The following TPD52 variants were observed in gnomAD, a reference collection of about 807,000 sequenced individuals.
The protein encoded by TPD52 is tumor protein D52.
Under a neutral mutation model 31.3 loss-of-function variants are expected in TPD52, and 17 were observed. That is an observed-to-expected ratio of 0.54 (90% CI 0.37 to 0.82). The LOEUF (loss-of-function observed/expected upper bound fraction) is 0.82, where lower values mean the gene tolerates loss of function less well. Ranked by LOEUF, TPD52 falls within the 40% of genes least tolerant of loss-of-function variation. TPD52 has a pLI of 0.00. For synonymous variants in TPD52, 83 were observed against 89.6 expected, an observed-to-expected ratio of 0.93 and a Z score of 0.42; for missense variants, 212 against 240.1, an observed-to-expected ratio of 0.88 and a Z score of 0.77.
chr8:80,063,508 T>C (rs1812772467), intron 2 of TPD52, among the ~76,000 whole-genome samples: 1 of 152,196 alleles, frequency 6.6e-6, no homozygotes, highest in African/African-American at 2.4e-5. Context: ...ATGTTACATG[T>C]TACTGAATTA....
At chr8:80,084,925 T>C (rs1815621806) in intron 1 of TPD52, among the ~76,000 whole-genome samples, 1 of 152,064 alleles carries the variant, frequency 6.6e-6, no homozygotes, top group Admixed American at 6.5e-5. Context: ...GCAATACAAA[T>C]GCCTACTAAA....
chr8:80,039,906 G>C (rs976042448), intron 7 of TPD52, among the ~76,000 whole-genome samples: 3 of 151,936 alleles, frequency 2.0e-5, no homozygotes, highest in Admixed American at 6.6e-5. Flanking sequence ...TTTCACATCA[G>C]AACCCTTACC....
chr8:80,116,284 A>G (rs1807858988), intron 1 of TPD52, among the ~76,000 whole-genome samples: 1 of 152,242 alleles, frequency 6.6e-6, no homozygotes, highest in Non-Finnish European at 1.5e-5. Flanking sequence ...ATAAAGCATT[A>G]AAAAGCAAGG....
At chr8:80,127,312 T>A (rs1808687454) in intron 1 of TPD52, among the ~76,000 whole-genome samples, 2 of 152,242 alleles carry the variant, frequency 1.3e-5, no homozygotes, top group Admixed American at 1.3e-4. Flanking sequence ...TGATGGATTA[T>A]CATCCTCCTG....
chr8:80,152,194 A>G (rs1439099723), intron 1 of TPD52, among the ~76,000 whole-genome samples: 1 of 152,120 alleles, frequency 6.6e-6, no homozygotes, highest in Non-Finnish European at 1.5e-5. Flanking sequence ...CCCCAGGAGC[A>G]GGAGGTGAAT....
intron 1 of TPD52, among the ~76,000 whole-genome samples, chr8:80,075,040 C>T (rs555048726): frequency 3.3e-5 from 5 of 151,988 alleles, no homozygotes; most frequent in South Asian, 2.1e-4. Flanking sequence ...AGTGCAGTGG[C>T]GCGATCTTGG....
chr8:80,121,196 C>G (rs571417653), intron 1 of TPD52, among the ~76,000 whole-genome samples: 6 of 151,908 alleles, frequency 3.9e-5, no homozygotes, highest in African/African-American at 1.5e-4. Flanking sequence ...ATTATCAAGA[C>G]GTCAAAAGTC....
intron 1 of TPD52, among the ~76,000 whole-genome samples, chr8:80,154,482 C>G (rs1810791928): frequency 6.6e-6 from 1 of 152,174 alleles, no homozygotes; most frequent in South Asian, 2.1e-4. Flanking sequence ...ACTTCCCTCT[C>G]CCCTTAAGTG....
intron 1 of TPD52, among the ~76,000 whole-genome samples, chr8:80,128,263 A>AT (rs1216335389): frequency 6.6e-6 from 1 of 152,080 alleles, no homozygotes; most frequent in Non-Finnish European, 1.5e-5. Context: ...GGAAAACAAC[A>AT]TATCACCTCA....
intron 2 of TPD52, among the ~76,000 whole-genome samples, chr8:80,059,610 T>G (rs1052888004): frequency 1.8e-4 from 28 of 151,984 alleles, no homozygotes; most frequent in African/African-American, 6.8e-4. Flanking sequence ...TCCCAGCACT[T>G]TGGGAGGCCA....
intron 7 of TPD52, chr8:80,042,232 T>A (rs1244283007): frequency 1.0e-6 from 1 of 985,360 alleles, no homozygotes; most frequent in Admixed American, 6.1e-5. Flanking sequence ...TATCACTGTC[T>A]GAGTGGTAGG....
At chr8:80,157,718 T>C (rs1467696050) in intron 1 of TPD52, among the ~76,000 whole-genome samples, 1 of 152,188 alleles carries the variant, frequency 6.6e-6, no homozygotes, top group African/African-American at 2.4e-5. Flanking sequence ...AAATGTCACC[T>C]CTAGACTAAA....
intron 1 of TPD52, among the ~76,000 whole-genome samples, chr8:80,165,122 T>C (rs1811630684): frequency 6.6e-6 from 1 of 152,024 alleles, no homozygotes; most frequent in Non-Finnish European, 1.5e-5. Context: ...TCAAAAGAAG[T>C]AAACTACCTT....
chr8:80,101,273 C>G (rs1235487601), intron 1 of TPD52, among the ~76,000 whole-genome samples: 2 of 151,932 alleles, frequency 1.3e-5, no homozygotes, highest in Non-Finnish European at 2.9e-5. Flanking sequence ...CATGGTGAAA[C>G]CCCGTCTCTA....
At chr8:80,064,668 T>C (rs1812929168) in intron 1 of TPD52, 75 bp from the exon 2 acceptor site, 1 of 1,067,544 alleles carries the variant, frequency 9.4e-7, no homozygotes, top group Admixed American at 1.7e-5. Context: ...TCCACTGTCC[T>C]AGCCAGAATA....
At chr8:80,099,933 G>A (rs908797659) in intron 1 of TPD52, among the ~76,000 whole-genome samples, 3 of 152,170 alleles carry the variant, frequency 2.0e-5, no homozygotes, top group Non-Finnish European at 4.4e-5. Context: ...GGTGAAAACA[G>A]CCTATCAAGA....
intron 1 of TPD52, chr8:80,064,991 T>C: frequency 2.7e-6 from 1 of 366,912 alleles, no homozygotes; most frequent in South Asian, 2.1e-5. Flanking sequence ...GGAGTTTGCA[T>C]ATCTCTTCAG....
intron 1 of TPD52, among the ~76,000 whole-genome samples, chr8:80,145,390 C>T (rs192512548): frequency 6.6e-6 from 1 of 152,158 alleles, no homozygotes; most frequent in African/African-American, 2.4e-5. Flanking sequence ...CACAAAAGGT[C>T]GAACACATTT....
intron 1 of TPD52, among the ~76,000 whole-genome samples, chr8:80,079,425 AC>A (rs1814979941): frequency 6.6e-6 from 1 of 152,218 alleles, no homozygotes; most frequent in Admixed American, 6.5e-5. Context: ...GCTGCTTCAC[AC>A]ATCCCTACTG....
Sources: allele counts gnomAD v4.1 joint callset (sites outside exome capture counted in the v4.1 genomes callset), GRCh38; gene constraint gnomAD v4.1.1; transcripts MANE v1.5; gene names NCBI Gene and HGNC (gene_info 2026-07-23, HGNC 2026-07-21).